Variants in DOT1L observed in about 807,000 individuals in gnomAD.
DOT1L encodes DOT1 like histone lysine methyltransferase.
DOT1L carries 33 observed loss-of-function variants against 153.3 expected under a neutral mutation model. The ratio of observed to expected loss-of-function variants is 0.22; its 90% CI spans 0.16 to 0.29. The LOEUF (loss-of-function observed/expected upper bound fraction) is 0.29. Among genes scored for constraint, DOT1L ranks in the 10% least tolerant of loss-of-function variants. DOT1L has a pLI of 1.00. For synonymous variants in DOT1L, 1,135 were observed against 965.1 expected (o/e 1.18, Z -3.26); for missense variants, 1,847 against 2,119.9 (o/e 0.87, Z 2.53).
chr19:2,199,206 C>T (rs1181260458), intron 7 of DOT1L, among the ~76,000 whole-genome samples: 2 of 152,230 alleles, frequency 1.3e-5, no homozygotes, highest in Non-Finnish European at 1.5e-5. Flanking sequence ...GGTGGACTGG[C>T]GTCGGGCTGC....
intron 8 of DOT1L, among the ~76,000 whole-genome samples, chr19:2,200,759 C>T (rs998365490): frequency 2.0e-5 from 3 of 151,350 alleles, no homozygotes; most frequent in Admixed American, 6.6e-5. Flanking sequence ...CTCGTCCTCC[C>T]CGCATTCTTC....
At position 2,189,759 on chromosome 19, in the gene DOT1L, C is replaced by T. The variant is rs1277482575; in HGVS notation, c.228C>T (p.Asp76=). The change falls in exon 4 of 28, where the codon GAC becomes GAT. Residue 76 remains aspartate, a synonymous_variant. Transcript: ENST00000398665. The stretch of plus-strand genomic sequence containing the variant: ...TCGAGAGCATGCAGAGGCTCTGCGA[C>T]AAGTACAACCGTGCCATCGACAGCA... ...KSFESMQRLC[D]KYNRAIDSIH... 2 of 1,612,086 alleles carry T rather than the reference C, an allele frequency of 1.2e-6. No homozygotes were observed. Among genetic ancestry groups the T allele is most frequent in the Non-Finnish European group, 1.7e-6 (2 of 1,180,006 alleles).
At chr19:2,168,416 C>T (rs2020008323) in intron 1 of DOT1L, among the ~76,000 whole-genome samples, 1 of 152,182 alleles carries the variant, frequency 6.6e-6, no homozygotes, top group Non-Finnish European at 1.5e-5. Flanking sequence ...CCACTTCTGC[C>T]CTGGGGGACC....
chr19:2,172,762 A>G (rs2021712148), intron 1 of DOT1L, among the ~76,000 whole-genome samples: 1 of 152,098 alleles, frequency 6.6e-6, no homozygotes, highest in South Asian at 2.1e-4. Context: ...CCTGCCTCCC[A>G]AAGTGCTGGG....
intron 14 of DOT1L, 94 bp downstream of exon 14, chr19:2,210,949 T>G: frequency 1.3e-6 from 2 of 1,499,892 alleles, no homozygotes; most frequent in Non-Finnish European, 1.8e-6. Context: ...GCCCCGTGTG[T>G]TCAGGGTGTC....
chr19:2,227,153 C>T (rs2024384763), intron 27 of DOT1L, 26 bp downstream of exon 27: 1 of 1,564,708 alleles, frequency 6.4e-7, no homozygotes, highest in Non-Finnish European at 8.6e-7. Context: ...GTCCGTCCGC[C>T]CCCCGCCCCG....
intron 1 of DOT1L, among the ~76,000 whole-genome samples, chr19:2,178,800 C>T (rs947418359): frequency 4.6e-5 from 7 of 151,868 alleles, no homozygotes; most frequent in African/African-American, 2.4e-5. Flanking sequence ...CTCCTGACCT[C>T]GTGATCCACC....
At chr19:2,182,132 CAGG>C (rs2022269849) in intron 2 of DOT1L, among the ~76,000 whole-genome samples, 1 of 151,978 alleles carries the variant, frequency 6.6e-6, no homozygotes, top group South Asian at 2.1e-4. Context: ...GAGGCTGAGG[CAGG>C]AGAATAGCTT....
chr19:2,180,855 G>T, intron 2 of DOT1L, 99 bp downstream of exon 2: 1 of 1,437,162 alleles, frequency 7.0e-7, no homozygotes, highest in Non-Finnish European at 9.6e-7. Flanking sequence ...GCTCCTGCAG[G>T]GGTGGACTCC....
At chr19:2,213,161 T>G in intron 16 of DOT1L, 1 of 195,810 alleles carries the variant, frequency 5.1e-6, no homozygotes, top group African/African-American at 2.4e-5. Context: ...GGACACTGAG[T>G]GTTTGCTGTT....
At position 2,213,906 on chromosome 19, in the gene DOT1L, G is replaced by A. The variant is rs750798710; in HGVS notation, c.1717G>A (p.Ala573Thr). 57 of 1,612,986 alleles carry A rather than the reference G, an allele frequency of 3.5e-5. No homozygotes were observed. In the East Asian group the frequency reaches 9.4e-4, roughly 26 times the overall value. ...DLIQAQKEIS[A>T]HNQQLREQSE... ...GATTCAAGCGCAGAAGGAGATCTCC[G>A]CCCATAACCAGCAGCTGCGGGAGCA... The change falls in exon 18 of 28, where the codon GCC (alanine) becomes ACC (threonine). Residue 573 changes from alanine (A) to threonine (T), a missense_variant. Physicochemically the swap from Ala to Thr is moderately conservative, Grantham distance 58 (BLOSUM62 0). Around this residue, in one of 8 missense-constraint regions of DOT1L, gnomAD observed 156 missense variants for 235.7 expected, o/e 0.66. Transcript: ENST00000398665.
chr19:2,227,519 C>A (rs1040006259), intron 27 of DOT1L: 1 of 528,368 alleles, frequency 1.9e-6, no homozygotes, highest in Non-Finnish European at 3.3e-6. Flanking sequence ...GAGGAGCCGC[C>A]GGGGGGAGCG....
chr19:2,182,568 C>T (rs2022291855), intron 2 of DOT1L, among the ~76,000 whole-genome samples: 1 of 152,078 alleles, frequency 6.6e-6, no homozygotes. Context: ...AGGGCTGTGG[C>T]TTCCCGGGGC....
chr19:2,171,843 G>A (rs997388681), intron 1 of DOT1L, among the ~76,000 whole-genome samples: 1 of 152,212 alleles, frequency 6.6e-6, no homozygotes, highest in Non-Finnish European at 1.5e-5. Context: ...CAGCTCTGGA[G>A]ACACAGATTC....
chr19:2,200,080 G>T (rs1460107928), intron 8 of DOT1L, 141 bp downstream of exon 8: 2 of 1,124,946 alleles, frequency 1.8e-6, no homozygotes, highest in Non-Finnish European at 2.5e-6. Context: ...CAGGAAGGGC[G>T]CCTTTCCCTC....
rs1369780348 is a variant in DOT1L at position 2,217,574 on chromosome 19, C to T, written c.2545-198C>T. On this transcript the variant is annotated intron_variant, in intron 21 of 27. Transcript: ENST00000398665. The surrounding 1 kb of genome is among the most constrained non-coding windows in gnomAD (Gnocchi z 7.3). ...GACAGATGGGCATTGCTTTCAGACA[C>T]CAGGAGCGTGCCGTCCCTCTGGAGT... 6.6e-6 allele frequency among the ~76,000 whole-genome samples: 1 copy of T among 152,084 alleles called. No individual in the cohort carries two copies. The highest frequency in any genetic ancestry group is 1.5e-5 in the Non-Finnish European group (1 of 68,000).
At chr19:2,202,921 G>A in intron 9 of DOT1L, 142 bp downstream of exon 9, 1 of 744,774 alleles carries the variant, frequency 1.3e-6, no homozygotes, top group East Asian at 2.7e-5. Context: ...CTTCCTTTAT[G>A]CTTTTTTTTC....
intron 3 of DOT1L, among the ~76,000 whole-genome samples, chr19:2,188,708 T>C (rs1168507173): frequency 6.6e-6 from 1 of 152,196 alleles, no homozygotes; most frequent in Non-Finnish European, 1.5e-5. Flanking sequence ...CTTGCTCTGC[T>C]CTGGACACCT....
chr19:2,222,475 C>T lies in DOT1L; in HGVS notation c.3306C>T (p.Gly1102=), dbSNP rs757249934. The T allele has an allele frequency of 1.2e-6, 2 of 1,602,324 alleles. No individual in the cohort carries two copies. The highest frequency in any genetic ancestry group is 1.3e-5 in the African/African-American group (1 of 74,804). Residue 1102 remains glycine, a synonymous_variant, in exon 24 of 28, where the codon GGC becomes GGT. Transcript: ENST00000398665. This position sits in a 1 kb window ranked among gnomAD's most constrained non-coding sequence, Gnocchi z 6.5. ...ASAGTPSLSA[G]VSPKRRALPS... is the part of the protein sequence containing the mutation. ...CGGGGACGCCCAGCTTGAGCGCAGG[C>T]GTGTCCCCCAAGCGCCGAGCCCTGC...
Sources: allele counts gnomAD v4.1 joint callset (sites outside exome capture counted in the v4.1 genomes callset), GRCh38; gene constraint gnomAD v4.1.1; regional missense constraint gnomAD v4.1.1; non-coding constraint Gnocchi (gnomAD v3.1); transcripts MANE v1.5; gene names NCBI Gene and HGNC (gene_info 2026-07-23, HGNC 2026-07-21).